The following LUZP2 variants were observed in gnomAD, a reference collection of about 807,000 sequenced individuals.
LUZP2 encodes the protein leucine zipper protein 2.
A neutral mutation model predicts 51.6 loss-of-function variants in LUZP2; 52 were observed. That is an observed-to-expected ratio of 1.01 (90% confidence interval 0.81 to 1.27). LUZP2 has a LOEUF of 1.27. LUZP2 is among the 50% of genes most tolerant of loss of function. The pLI is 0.00. For missense variants in LUZP2, 436 were observed against 395.4 expected, an observed-to-expected ratio of 1.10 and a Z score of -0.87; for synonymous variants, 154 against 137.3, an observed-to-expected ratio of 1.12 and a Z score of -0.85.
chr11:25,063,059 G>A (rs1858893036), intron 10 of LUZP2, among the ~76,000 whole-genome samples: 1 of 150,400 alleles, frequency 6.6e-6, no homozygotes. Context: ...AAATAAAATT[G>A]GCCTTCTCTA....
intron 4 of LUZP2, among the ~76,000 whole-genome samples, chr11:24,760,674 G>T (rs1485061241): frequency 1.3e-5 from 2 of 152,164 alleles, no homozygotes; most frequent in Admixed American, 6.5e-5. Flanking sequence ...AGAAAAAAGT[G>T]TTAACAGGTG....
intron 1 of LUZP2, among the ~76,000 whole-genome samples, chr11:24,726,390 G>A (rs865983332): frequency 6.6e-6 from 1 of 151,688 alleles, no homozygotes; most frequent in African/African-American, 2.4e-5. Context: ...CAATTTACCA[G>A]CACATATTGA....
chr11:25,046,309 G>A (rs998637073), intron 9 of LUZP2, among the ~76,000 whole-genome samples: 1 of 151,888 alleles, frequency 6.6e-6, no homozygotes, highest in Non-Finnish European at 1.5e-5. Context: ...AGCTCTTTGA[G>A]ATACAGATCT....
intron 9 of LUZP2, among the ~76,000 whole-genome samples, chr11:25,012,745 G>A (rs1366528843): frequency 6.6e-6 from 1 of 152,204 alleles, no homozygotes; most frequent in Non-Finnish European, 1.5e-5. Flanking sequence ...TGAGGATGCA[G>A]AGAAAAGGTA....
chr11:24,808,895 A>G (rs1192165321), intron 5 of LUZP2, among the ~76,000 whole-genome samples: 5 of 152,212 alleles, frequency 3.3e-5, no homozygotes, highest in Non-Finnish European at 5.9e-5. Flanking sequence ...ATCAAATACT[A>G]TTAAAATATA....
At chr11:25,057,187 G>T (rs1002433645) in intron 10 of LUZP2, among the ~76,000 whole-genome samples, 3 of 152,090 alleles carry the variant, frequency 2.0e-5, no homozygotes, top group African/African-American at 7.2e-5. Flanking sequence ...CTTTTAAGAA[G>T]CAGCTCTGAA....
At chr11:25,064,712 C>G (rs1318218615) in intron 10 of LUZP2, among the ~76,000 whole-genome samples, 1 of 151,872 alleles carries the variant, frequency 6.6e-6, no homozygotes, top group Non-Finnish European at 1.5e-5. Flanking sequence ...TGATTTTGGA[C>G]TGTCTCTCAA....
intron 5 of LUZP2, among the ~76,000 whole-genome samples, chr11:24,850,927 G>A (rs747019817): frequency 6.6e-6 from 1 of 151,742 alleles, no homozygotes; most frequent in South Asian, 2.1e-4. Flanking sequence ...TATTATTGGT[G>A]TATAGAAACG....
At chr11:24,644,015 T>C (rs998271245) in intron 1 of LUZP2, among the ~76,000 whole-genome samples, 5 of 152,220 alleles carry the variant, frequency 3.3e-5, no homozygotes, top group Admixed American at 3.3e-4. Flanking sequence ...TGATACCGCT[T>C]CCAAATATTC....
intron 7 of LUZP2, among the ~76,000 whole-genome samples, chr11:24,930,251 G>A (rs964403510): frequency 5.3e-5 from 8 of 151,930 alleles, no homozygotes; most frequent in Non-Finnish European, 7.4e-5. Context: ...TGAGATGTGC[G>A]GTACTATTCT....
chr11:25,029,940 T>A (rs200754353), intron 9 of LUZP2, among the ~76,000 whole-genome samples: 1 of 138,708 alleles, frequency 7.2e-6, no homozygotes, highest in Non-Finnish European at 1.6e-5. Context: ...GTAATTATTT[T>A]TTATTTTTAT....
intron 1 of LUZP2, among the ~76,000 whole-genome samples, chr11:24,716,848 A>G (rs1858063615): frequency 6.6e-6 from 1 of 152,292 alleles, no homozygotes; most frequent in East Asian, 1.9e-4. Flanking sequence ...GTGAGCCGAC[A>G]TTGCGCCACT....
In LUZP2 at chr11:24,666,429, A is replaced by G. The variant is rs371579355; in HGVS notation, c.63-62740A>G. Among the ~76,000 whole-genome samples the G allele has an allele frequency of 1.1e-3, 174 of 152,328 alleles. 9 individuals are homozygous for G. The South Asian group carries it at 0.035, about 31-fold the overall frequency. ...ACAGACAACCATTGAGGAGAAAATTATACTATATGATTTATATTGGAGAAG... is the reference window on the plus strand; with the variant it reads ...ACAGACAACCATTGAGGAGAAAATTGTACTATATGATTTATATTGGAGAAG... On this transcript the variant is annotated intron_variant, in intron 1 of 11. Coordinates refer to ENST00000336930, the MANE Select transcript of LUZP2 (RefSeq NM_001009909.4).
chr11:24,503,493 C>A (rs956881695), intron 1 of LUZP2, among the ~76,000 whole-genome samples: 1 of 152,152 alleles, frequency 6.6e-6, no homozygotes, highest in African/African-American at 2.4e-5. Flanking sequence ...CTTTCGTAAA[C>A]CCTAGGAGAC....
intron 9 of LUZP2, among the ~76,000 whole-genome samples, chr11:25,009,687 A>G (rs1856931687): frequency 6.6e-6 from 1 of 152,204 alleles, no homozygotes; most frequent in African/African-American, 2.4e-5. Context: ...TGAAATGTCT[A>G]TGACTAACCA....
At chr11:25,007,923 C>T (rs1856878292) in intron 9 of LUZP2, among the ~76,000 whole-genome samples, 1 of 152,028 alleles carries the variant, frequency 6.6e-6, no homozygotes, top group South Asian at 2.1e-4. Flanking sequence ...ACTAATATGC[C>T]CTAATAATTG....
At chr11:24,987,684 T>C (rs891080876) in intron 9 of LUZP2, among the ~76,000 whole-genome samples, 3 of 151,978 alleles carry the variant, frequency 2.0e-5, no homozygotes, top group African/African-American at 7.2e-5. Flanking sequence ...CGAATGGGGC[T>C]CTCTTTAGGA....
rs1859467462 is a variant in LUZP2, at chr11:25,081,810, A to G, written c.*3152A>G. ...GCATTGAAAGATTATTTACATTTTG[A>G]AAAACATGGAATTGATTCTTATTAA... On this transcript the variant is annotated 3_prime_UTR_variant, in exon 12 of 12. Transcript: ENST00000336930. The G allele has an allele frequency of 6.6e-6, 1 of 152,176 alleles. No individual in the cohort carries two copies. Among genetic ancestry groups the G allele is most frequent in the Non-Finnish European group, 1.5e-5 (1 of 68,012 alleles). The allele number at this position is 152,176 out of a possible 1,614,324, so 9.4% of individuals were successfully genotyped here. A position where few individuals can be genotyped will look rare whatever the true frequency, so the allele number is the denominator to read the frequency against.
At position 24,729,153 on chromosome 11, in the gene LUZP2, G is replaced by T. The variant is rs766785416; in HGVS notation, c.63-16G>T. ...AACCATTTGGGGGGCTCTCATGCCTGTTCTTTCTGTGTTAGACAGGACTAT... is the reference window on the plus strand; with the variant it reads ...AACCATTTGGGGGGCTCTCATGCCTTTTCTTTCTGTGTTAGACAGGACTAT... On this transcript the variant is annotated splice_polypyrimidine_tract_variant and intron_variant, in intron 1 of 11. Transcript: ENST00000336930. 3.5e-6 allele frequency: 5 copies of T among 1,424,640 alleles called. No homozygotes were observed. The highest frequency in any genetic ancestry group is 2.8e-6 in the Non-Finnish European group (3 of 1,054,178). The allele number at this position is 1,424,640 out of a possible 1,614,324, so 88.2% of individuals were successfully genotyped here.
Sources: gnomAD v4.1 joint callset for allele counts (sites outside exome capture counted in the v4.1 genomes callset) on GRCh38, gnomAD v4.1.1 for gene constraint, MANE v1.5 for transcripts, NCBI Gene and HGNC (gene_info 2026-07-23, HGNC 2026-07-21) for gene names.